The following GLT8D2 variants were observed in gnomAD, a reference collection of about 807,000 sequenced individuals.
The protein encoded by GLT8D2 is glycosyltransferase 8 domain containing 2.
In GLT8D2, 45 loss-of-function variants were observed where a neutral mutation model predicts 44.5. The ratio of observed to expected loss-of-function variants is 1.01; its 90% CI spans 0.80 to 1.30. The LOEUF (loss-of-function observed/expected upper bound fraction) is 1.30, where lower values mean the gene tolerates loss of function less well. Ranked by LOEUF, GLT8D2 falls within the 50% of genes most tolerant of loss-of-function variation. GLT8D2 has a pLI of 0.00. For missense variants in GLT8D2, 400 were observed against 430.4 expected, an observed-to-expected ratio of 0.93 and a Z score of 0.62; for synonymous variants, 156 against 157.2, an observed-to-expected ratio of 0.99 and a Z score of 0.06.
At chr12:104,009,869 A>G (rs1875592316) in intron 4 of GLT8D2, among the ~76,000 whole-genome samples, 1 of 152,218 alleles carries the variant, frequency 6.6e-6, no homozygotes, top group South Asian at 2.1e-4. Flanking sequence ...CCATGTAAGA[A>G]GTGCCTTTCA....
At chr12:104,002,819 C>T (rs1189695355) in intron 5 of GLT8D2, among the ~76,000 whole-genome samples, 2 of 152,054 alleles carry the variant, frequency 1.3e-5, no homozygotes, top group Non-Finnish European at 2.9e-5. Flanking sequence ...GTAGCATGCA[C>T]TTGTAGTCTC....
chr12:104,047,028 T>C (rs1349892867), intron 1 of GLT8D2, among the ~76,000 whole-genome samples: 1 of 152,040 alleles, frequency 6.6e-6, no homozygotes, highest in Non-Finnish European at 1.5e-5. Flanking sequence ...AGAGTCTTGC[T>C]ATGTTGCCTA....
intron 3 of GLT8D2, among the ~76,000 whole-genome samples, chr12:104,017,143 A>T (rs982145778): frequency 1.3e-5 from 2 of 152,154 alleles, no homozygotes; most frequent in Non-Finnish European, 2.9e-5. Flanking sequence ...AATCTTTCTG[A>T]TTTTATGTGC....
intron 1 of GLT8D2, among the ~76,000 whole-genome samples, chr12:104,032,486 A>AAAAAAAAAAAAAAAAAAAAAAAAAAC (rs1879402821): frequency 6.9e-6 from 1 of 145,672 alleles, no homozygotes; most frequent in African/African-American, 2.5e-5. Context: ...AAAAAAAAAA[A>AAAAAAAAAAAAAAAAAAAAAAAAAAC]AAAAATAGGC....
intron 4 of GLT8D2, 101 bp from the exon 5 acceptor site, chr12:104,003,407 G>A: frequency 1.0e-6 from 1 of 992,816 alleles, no homozygotes; most frequent in Non-Finnish European, 1.5e-6. Flanking sequence ...GCATAGTGTG[G>A]AAGAGACTGC....
At position 103,989,467 on chromosome 12, in the gene GLT8D2, A is replaced by G; in HGVS notation, c.991T>C (p.Trp331Arg). 2.5e-6 allele frequency: 4 copies of G among 1,613,820 alleles called. No homozygotes were observed. Among genetic ancestry groups the G allele is most frequent in the Non-Finnish European group, 3.4e-6 (4 of 1,179,792 alleles). ...GGGTCAGGAACAAACCAGCTTTCCCATAAGTCGTTGTGAACACTAGGGAAG... is the reference window on the plus strand; with the variant it reads ...GGGTCAGGAACAAACCAGCTTTCCCGTAAGTCGTTGTGAACACTAGGGAAG... Reference protein sequence around the residue: ...WDFPSVHNDLWESWFVPDPAG... With the variant: ...WDFPSVHNDLRESWFVPDPAG... The change falls in exon 11 of 11, where the codon TGG (tryptophan) becomes CGG (arginine). Residue 331 changes from tryptophan to arginine, a missense_variant. Physicochemically the swap from Trp to Arg is moderately radical, Grantham distance 101. Transcript: ENST00000360814.
intron 1 of GLT8D2, among the ~76,000 whole-genome samples, chr12:104,036,624 T>TACAGGAGCACCCA (rs1879956423): frequency 6.6e-6 from 1 of 152,208 alleles, no homozygotes; most frequent in African/African-American, 2.4e-5. Context: ...TTCCTAAGTA[T>TACAGGAGCACCCA]ATATGCACCC....
chr12:104,005,696 C>A (rs1874898913), intron 4 of GLT8D2, among the ~76,000 whole-genome samples: 1 of 152,150 alleles, frequency 6.6e-6, no homozygotes, highest in South Asian at 2.1e-4. Context: ...CCATCTCACA[C>A]CAGTTAGAAT....
In GLT8D2 at chr12:104,032,487, AAAAAT is replaced by A. The variant is rs1287139747; in HGVS notation, c.-163-11001_-163-10997del. 7.2e-3 allele frequency among the ~76,000 whole-genome samples: 1,012 copies of A among 140,514 alleles called. 3 individuals carry two copies. The highest frequency in any genetic ancestry group is 9.9e-3 in the Non-Finnish European group (646 of 65,508). The allele number at this position is 140,514 out of a possible 152,430, so 92.2% of individuals were successfully genotyped here. Reference sequence around the variant, plus strand: ...ATAGCAAAAAAAAAAAAAAAAAAAAAAAAATAGGCAAAGGACCAGAATAGACATTT... The same window carrying A: ...ATAGCAAAAAAAAAAAAAAAAAAAAAAGGCAAAGGACCAGAATAGACATTT... On this transcript the variant is annotated intron_variant, in intron 1 of 10. Transcript: ENST00000360814.
At chr12:104,056,981 T>A (rs1882232756) in intron 1 of GLT8D2, among the ~76,000 whole-genome samples, 1 of 152,206 alleles carries the variant, frequency 6.6e-6, no homozygotes, top group Non-Finnish European at 1.5e-5. Context: ...CAAAAAGTGA[T>A]TATTGTGGCA....
upstream of GLT8D2, among the ~76,000 whole-genome samples, chr12:104,050,675 CTT>C (rs935301687): frequency 7.9e-5 from 12 of 152,150 alleles, no homozygotes; most frequent in Admixed American, 1.3e-4. Flanking sequence ...GGTGCCAGCA[CTT>C]TGTCTGGGAT....
chr12:104,035,561 G>T (rs1223062259), intron 1 of GLT8D2, among the ~76,000 whole-genome samples: 2 of 152,286 alleles, frequency 1.3e-5, no homozygotes, highest in East Asian at 3.9e-4. Context: ...GTGGAAGAAA[G>T]GGTATCAGCA....
intron 4 of GLT8D2, among the ~76,000 whole-genome samples, chr12:104,007,715 C>G (rs1207206357): frequency 1.3e-5 from 2 of 152,040 alleles, no homozygotes; most frequent in Admixed American, 6.5e-5. Flanking sequence ...CTAAAGTAAC[C>G]ATGATATGGT....
chr12:104,015,650 T>A (rs149997415), intron 3 of GLT8D2, among the ~76,000 whole-genome samples: 3 of 152,314 alleles, frequency 2.0e-5, no homozygotes, highest in Non-Finnish European at 4.4e-5. Flanking sequence ...GCATCTTTAC[T>A]GAATTTGTAT....
At chr12:104,057,516 CA>C (rs56844816) in intron 1 of GLT8D2, among the ~76,000 whole-genome samples, 26,068 of 135,098 alleles carry the variant, frequency 0.19, 3,082 homozygotes, top group East Asian at 0.35. Flanking sequence ...GACCCTGTCT[CA>C]AAAAAAAAAA....
In GLT8D2 at chr12:103,994,428, G is replaced by A. The variant is rs1238003642; in HGVS notation, c.674C>T (p.Ser225Phe). The change falls in exon 9 of 11, where the codon TCT becomes TTT. Residue 225 changes from serine (S) to phenylalanine (F), a missense_variant. Physicochemically the swap from Ser to Phe is radical, Grantham distance 155. Transcript: ENST00000360814. The part of the protein sequence containing the change: ...KDLGISPSTC[S>F]FNPGVIVANM... The stretch of plus-strand genomic sequence containing the variant: ...GGCAACAATCACACCAGGATTGAAA[G>A]AGCAGGTGCTGGGGCTGATGCCAAG... 6.2e-7 allele frequency: 1 copy of A among 1,614,136 alleles called. No individual in the cohort carries two copies. Among genetic ancestry groups the A allele is most frequent in the East Asian group, 2.2e-5 (1 of 44,880 alleles).
At chr12:104,057,648 A>G (rs992789870) in intron 1 of GLT8D2, among the ~76,000 whole-genome samples, 1 of 152,184 alleles carries the variant, frequency 6.6e-6, no homozygotes, top group African/African-American at 2.4e-5. Flanking sequence ...AGTTTTTAAT[A>G]TTTTGACAAA....
At chr12:104,046,476 C>G (rs1303993522) in intron 1 of GLT8D2, among the ~76,000 whole-genome samples, 1 of 152,192 alleles carries the variant, frequency 6.6e-6, no homozygotes, top group Non-Finnish European at 1.5e-5. Context: ...CATCCTGGCT[C>G]TGAGTTCACA....
chr12:104,061,257 C>T (rs77988071), intron 1 of GLT8D2, among the ~76,000 whole-genome samples: 3 of 152,300 alleles, frequency 2.0e-5, no homozygotes, highest in African/African-American at 7.2e-5. Flanking sequence ...CTTGCAATCT[C>T]TTTTGTCTTA....
Sources: allele counts gnomAD v4.1 joint callset (sites outside exome capture counted in the v4.1 genomes callset), GRCh38; gene constraint gnomAD v4.1.1; transcripts MANE v1.5; gene names NCBI Gene and HGNC (gene_info 2026-07-23, HGNC 2026-07-21).